The following MMRN1 variants were observed in gnomAD, a reference collection of about 807,000 sequenced individuals.
The protein encoded by MMRN1 is multimerin-1.
A neutral mutation model predicts 100.7 loss-of-function variants in MMRN1; 94 were observed. That is an observed-to-expected ratio of 0.93 (90% confidence interval 0.79 to 1.11). The LOEUF (loss-of-function observed/expected upper bound fraction) is 1.11, where lower values mean the gene tolerates loss of function less well. Ranked by LOEUF, MMRN1 falls within the 50% of genes least tolerant of loss-of-function variation. The pLI is 0.00. For missense variants in MMRN1, 1,606 were observed against 1,439.1 expected, an observed-to-expected ratio of 1.12 and a Z score of -1.88; for synonymous variants, 575 against 505.0, an observed-to-expected ratio of 1.14 and a Z score of -1.86.
chr4:89,941,330 G>A (rs1722814858), intron 6 of MMRN1, among the ~76,000 whole-genome samples: 1 of 152,138 alleles, frequency 6.6e-6, no homozygotes. Flanking sequence ...GTTCGTAACA[G>A]GATCAGCTAA....
chr4:89,901,531 G>A (rs915101025), intron 1 of MMRN1, among the ~76,000 whole-genome samples: 1 of 151,974 alleles, frequency 6.6e-6, no homozygotes, highest in African/African-American at 2.4e-5. Flanking sequence ...TATCTGATCA[G>A]CTAAATTCTT....
upstream of MMRN1, chr4:89,894,638 G>A (rs1721129919): frequency 1.1e-5 from 2 of 185,648 alleles, no homozygotes; most frequent in South Asian, 3.3e-4. Flanking sequence ...GTGAAACCAG[G>A]GTGTGCTCAG....
upstream of MMRN1, among the ~76,000 whole-genome samples, chr4:89,890,665 A>G (rs903427671): frequency 6.6e-6 from 1 of 152,112 alleles, no homozygotes; most frequent in Non-Finnish European, 1.5e-5. Flanking sequence ...AAATATGGTT[A>G]TTTCTAAAAT....
chr4:89,909,191 A>T, intron 1 of MMRN1, 85 bp from the exon 2 acceptor site: 1 of 1,424,378 alleles, frequency 7.0e-7, no homozygotes, highest in Non-Finnish European at 9.6e-7. Context: ...TGGCAAAAAT[A>T]AATGTTTGTC....
upstream of MMRN1, among the ~76,000 whole-genome samples, chr4:89,891,040 T>C (rs1721043207): frequency 6.6e-6 from 1 of 152,124 alleles, no homozygotes. Context: ...TACTGCTTCA[T>C]TATCTTTTAT....
intron 5 of MMRN1, 142 bp from the exon 6 acceptor site, chr4:89,934,668 A>T (rs1722544481): frequency 2.2e-6 from 1 of 444,916 alleles, no homozygotes; most frequent in Admixed American, 3.9e-5. Flanking sequence ...AGTAATTTTT[A>T]AAATTCTATA....
At position 89,916,808 on chromosome 4, in the gene MMRN1, A is replaced by C. The variant is rs148429790; in HGVS notation, c.850+4758A>C. Among the ~76,000 whole-genome samples the C allele has an allele frequency of 9.7e-3, 1,471 of 151,500 alleles. 26 individuals carry two copies. Among genetic ancestry groups the C allele is most frequent in the African/African-American group, 0.033 (1,354 of 41,352 alleles). On this transcript the variant is annotated intron_variant, in intron 3 of 7. Transcript: ENST00000264790. ...GATTATCTCCCGCATATCACTGTCTATTCCCTTTTTTAATGGAATAACATT... is the reference window on the plus strand; with the variant it reads ...GATTATCTCCCGCATATCACTGTCTCTTCCCTTTTTTAATGGAATAACATT...
At chr4:89,891,144 A>G (rs1176729151), upstream of MMRN1, among the ~76,000 whole-genome samples, 1 of 152,106 alleles carries the variant, frequency 6.6e-6, no homozygotes, top group African/African-American at 2.4e-5. Flanking sequence ...TAGATAATAT[A>G]GAAACAATGG....
intron 1 of MMRN1, among the ~76,000 whole-genome samples, chr4:89,904,308 A>G (rs1250491489): frequency 6.6e-6 from 1 of 151,688 alleles, no homozygotes; most frequent in Non-Finnish European, 1.5e-5. Context: ...TTACCATTCT[A>G]TCCGTCTTTA....
chr4:89,883,484 C>T (rs1047753994), intron 1 of MMRN1, among the ~76,000 whole-genome samples: 4 of 152,120 alleles, frequency 2.6e-5, no homozygotes, highest in Admixed American at 6.6e-5. Flanking sequence ...TGTTTTGCTC[C>T]GATCACTAAA....
intron 1 of MMRN1, among the ~76,000 whole-genome samples, chr4:89,908,093 C>T (rs938384598): frequency 2.0e-5 from 3 of 151,092 alleles, no homozygotes; most frequent in African/African-American, 7.3e-5. Flanking sequence ...TCCTAGTATC[C>T]CCAAACTCAG....
At chr4:89,949,847 G>C (rs1439455782) in intron 6 of MMRN1, among the ~76,000 whole-genome samples, 1 of 152,108 alleles carries the variant, frequency 6.6e-6, no homozygotes, top group East Asian at 1.9e-4. Flanking sequence ...GAAACAAAAT[G>C]TATATAAAAA....
chr4:89,931,075 A>G (rs1021728301), intron 5 of MMRN1, among the ~76,000 whole-genome samples: 1 of 152,262 alleles, frequency 6.6e-6, no homozygotes, highest in East Asian at 1.9e-4. Flanking sequence ...TCCATTACAT[A>G]CAAATTGATC....
At chr4:89,936,896 A>G in intron 6 of MMRN1, 98 bp downstream of exon 6, 1 of 1,083,782 alleles carries the variant, frequency 9.2e-7, no homozygotes, top group African/African-American at 1.6e-5. Flanking sequence ...ACATAAAACT[A>G]CATACTTGAA....
rs143785643 is a variant in MMRN1 at position 89,907,068 on chromosome 4, C to T, written c.624-2208C>T. ...ATGTTCATGTGACAATTTAATTGTG[C>T]TTCTGTTGAAGTGAGTCAGTCTCAG... On this transcript the variant is annotated intron_variant, in intron 1 of 7. Transcript: ENST00000264790. Among the ~76,000 whole-genome samples, 75 of 151,586 alleles carry T rather than the reference C, an allele frequency of 4.9e-4. 1 individual carries two copies. The South Asian group carries it at 0.011, about 22-fold the overall frequency.
chr4:89,887,520 C>G (rs1720964339), intron 1 of MMRN1, among the ~76,000 whole-genome samples: 1 of 151,900 alleles, frequency 6.6e-6, no homozygotes. Context: ...TTTGGCTTCA[C>G]ATATTTTGAA....
chr4:89,927,317 A>G (rs1379247979), intron 4 of MMRN1, among the ~76,000 whole-genome samples: 2 of 152,060 alleles, frequency 1.3e-5, no homozygotes, highest in African/African-American at 2.4e-5. Flanking sequence ...AGTTTTCATT[A>G]TAGTGACCTT....
At position 89,936,245 on chromosome 4, in the gene MMRN1, C is replaced by T; in HGVS notation, c.2565C>T (p.Ser855=). 1 of 1,603,164 alleles carries T rather than the reference C, an allele frequency of 6.2e-7. No homozygotes were observed. The highest frequency in any genetic ancestry group is 8.5e-7 in the Non-Finnish European group (1 of 1,177,116). The part of the protein sequence containing the change: ...EEKLLLTTKI[S]KNFETRLQDI... ...AACTACTCTTAACTACCAAGATTTC[C>T]AAAAATTTTGAGACTCGGTTGCAAG... The change falls in exon 6 of 8, where the codon TCC becomes TCT. Residue 855 remains serine, a synonymous_variant. Coordinates refer to ENST00000264790, the MANE Select transcript of MMRN1 (RefSeq NM_007351.3).
rs1168782421 is a variant in MMRN1, at chr4:89,923,216, C to T, written c.899C>T (p.Thr300Ile). Residue 300 changes from threonine (T) to isoleucine (I), a missense_variant, in exon 4 of 8, where the codon ACA (threonine) becomes ATA (isoleucine). By Grantham distance (89) the Thr-to-Ile change is moderately conservative (BLOSUM62 -1). Coordinates refer to ENST00000264790, the MANE Select transcript of MMRN1 (RefSeq NM_007351.3). ...CACACCAACCAGGCTGAAAGTCATA[C>T]AGCTGTTGGCAGAGGAGTAGCTGAG... is the stretch of plus-strand genomic sequence containing the variant. Reference protein sequence around the residue: ...LIHTNQAESHTAVGRGVAEQQ... With the variant: ...LIHTNQAESHIAVGRGVAEQQ... 1.2e-6 allele frequency: 2 copies of T among 1,614,008 alleles called. No individual in the cohort carries two copies. Among genetic ancestry groups the T allele is most frequent in the Non-Finnish European group, 1.7e-6 (2 of 1,179,860 alleles).
Sources: allele counts gnomAD v4.1 joint callset (sites outside exome capture counted in the v4.1 genomes callset), GRCh38; gene constraint gnomAD v4.1.1; transcripts MANE v1.5; gene names NCBI Gene and HGNC (gene_info 2026-07-23, HGNC 2026-07-21).